The following SLC26A8 variants were observed in gnomAD, a reference collection of about 807,000 sequenced individuals.
SLC26A8 encodes the protein solute carrier family 26 member 8.
Under a neutral mutation model 105.0 loss-of-function variants are expected in SLC26A8, and 70 were observed. The observed-to-expected ratio is 0.67, with a 90% confidence interval of 0.55 to 0.81. SLC26A8 has a LOEUF of 0.81. Among genes scored for constraint, SLC26A8 ranks in the 40% least tolerant of loss-of-function variants. The probability of loss-of-function intolerance (pLI) is 0.00; values close to 1 mark genes in which losing one functional copy is unlikely to be tolerated. For missense variants in SLC26A8, 998 were observed against 1,181.8 expected, an observed-to-expected ratio of 0.84 and a Z score of 2.28; for synonymous variants, 415 against 438.3, an observed-to-expected ratio of 0.95 and a Z score of 0.66.
chr6:35,992,532 G>T lies in SLC26A8; in HGVS notation c.770C>A (p.Ala257Asp), dbSNP rs759953274. 1 of 1,613,482 alleles carries T rather than the reference G, an allele frequency of 6.2e-7. No individual in the cohort carries two copies. The highest frequency in any genetic ancestry group is 8.5e-7 in the Non-Finnish European group (1 of 1,179,806). ...CACATAGAAGAAGGAGATGGGACCG[G>T]CATGGAAACTAATCATAATCCCAAA... The part of the protein sequence containing the change: ...FIFGIMISFH[A>D]GPISFFYDII... Residue 257 changes from alanine (A) to aspartate (D), a missense_variant, in exon 6 of 20, where the codon GCC (alanine) becomes GAC (aspartate). Physicochemically the swap from Ala to Asp is moderately radical, Grantham distance 126. Coordinates refer to ENST00000490799, the MANE Select transcript of SLC26A8 (RefSeq NM_052961.4).
intron 19 of SLC26A8, 79 bp downstream of exon 19, chr6:35,951,084 G>T: frequency 2.3e-6 from 3 of 1,285,992 alleles, no homozygotes; most frequent in Non-Finnish European, 1.1e-6. Context: ...CTGACTCCCA[G>T]CCCCCAACCA....
intron 7 of SLC26A8, among the ~76,000 whole-genome samples, chr6:35,984,335 T>C (rs1253357223): frequency 6.8e-6 from 1 of 147,852 alleles, no homozygotes; most frequent in Non-Finnish European, 1.5e-5. Flanking sequence ...TTTTTTTTTT[T>C]TTTTGAGACA....
chr6:35,963,628 A>G (rs1772397175), intron 11 of SLC26A8, among the ~76,000 whole-genome samples: 1 of 152,226 alleles, frequency 6.6e-6, no homozygotes, highest in Non-Finnish European at 1.5e-5. Context: ...GCTAAAGGTT[A>G]TACTCATCTA....
intron 9 of SLC26A8, among the ~76,000 whole-genome samples, chr6:35,976,866 G>A (rs1441027456): frequency 1.3e-5 from 2 of 152,014 alleles, no homozygotes; most frequent in Non-Finnish European, 2.9e-5. Flanking sequence ...TTTATAAGAC[G>A]TTCTGCAGCA....
Position 35,975,322 on chromosome 6 carries a change from G to A in SLC26A8, c.1287+53C>T, listed in dbSNP as rs926367615. 4.1e-6 allele frequency: 4 copies of A among 985,526 alleles called. No homozygotes were observed. The African/African-American group carries it at 6.5e-5, about 16-fold the overall frequency. The allele number at this position is 985,526 out of a possible 1,614,324, so 61.0% of individuals were successfully genotyped here. On this transcript the variant is annotated intron_variant, in intron 10 of 19. Transcript: ENST00000490799. ...AATTCCCTACTCTGAATATACATATGAATTGATATGAATATGTTTATGTAT... is the reference window on the plus strand; with the variant it reads ...AATTCCCTACTCTGAATATACATATAAATTGATATGAATATGTTTATGTAT...
At chr6:36,000,625 C>A (rs1377134843) in intron 3 of SLC26A8, among the ~76,000 whole-genome samples, 1 of 152,162 alleles carries the variant, frequency 6.6e-6, no homozygotes, top group Non-Finnish European at 1.5e-5. Flanking sequence ...TTCTAAGAAG[C>A]ACCATGAGAA....
At chr6:35,959,945 G>T in intron 14 of SLC26A8, 139 bp from the exon 15 acceptor site, 1 of 680,960 alleles carries the variant, frequency 1.5e-6, no homozygotes. Flanking sequence ...GTCTCACTCT[G>T]TTGCCCAGGC....
In SLC26A8 at chr6:35,975,461, C is replaced by T. The variant is rs768267988; in HGVS notation, c.1201G>A (p.Val401Ile). ...CAAGATCTGAAAAATGAACTGACGA[C>T]ATTGCAAAGGCCGATGGCTATTAAA... ...QDLIAIGLCNVVSSFFRSCVF... is the reference protein window; with the variant it reads ...QDLIAIGLCNIVSSFFRSCVF... Residue 401 changes from valine to isoleucine, a missense_variant, in exon 10 of 20, where the codon GTC becomes ATC. Physicochemically the swap from Val to Ile is conservative, Grantham distance 29. Coordinates refer to ENST00000490799, the MANE Select transcript of SLC26A8 (RefSeq NM_052961.4). 3.7e-6 allele frequency: 6 copies of T among 1,613,042 alleles called. No homozygotes were observed. The African/African-American group carries it at 8.0e-5, about 22-fold the overall frequency.
At chr6:36,005,898 A>C (rs902333949) in intron 3 of SLC26A8, among the ~76,000 whole-genome samples, 14 of 152,312 alleles carry the variant, frequency 9.2e-5, no homozygotes, top group African/African-American at 3.4e-4. Context: ...TATAAATTGG[A>C]ATTCTACTGT....
At chr6:35,998,016 A>G (rs1276939353) in intron 4 of SLC26A8, 97 bp from the exon 5 acceptor site, 1 of 1,140,378 alleles carries the variant, frequency 8.8e-7, no homozygotes. Context: ...ATTGTCCTTC[A>G]ACTGAATAAC....
intron 1 of SLC26A8, 82 bp from the exon 2 acceptor site, chr6:36,019,791 C>T: frequency 1.5e-6 from 2 of 1,311,674 alleles, no homozygotes; most frequent in Non-Finnish European, 1.0e-6. Flanking sequence ...AATAAAATTC[C>T]TATATAATAA....
intron 11 of SLC26A8, among the ~76,000 whole-genome samples, chr6:35,965,802 CCCA>C (rs1772490138): frequency 6.6e-6 from 1 of 151,500 alleles, no homozygotes; most frequent in Admixed American, 6.6e-5. Context: ...ACCAGCCTGG[CCCA>C]CATGGCGAAA....
intron 3 of SLC26A8, among the ~76,000 whole-genome samples, chr6:36,006,557 G>T (rs562169180): frequency 6.6e-6 from 1 of 152,162 alleles, no homozygotes; most frequent in South Asian, 2.1e-4. Flanking sequence ...TTTAGCAATG[G>T]GATATCCTCC....
At chr6:36,010,362 A>T (rs983402941) in intron 3 of SLC26A8, among the ~76,000 whole-genome samples, 35 of 152,180 alleles carry the variant, frequency 2.3e-4, no homozygotes, top group African/African-American at 8.0e-4. Context: ...GATTCCATTT[A>T]TATGATGTGC....
chr6:35,995,319 C>T (rs1761320531), intron 5 of SLC26A8, among the ~76,000 whole-genome samples: 1 of 152,154 alleles, frequency 6.6e-6, no homozygotes, highest in Non-Finnish European at 1.5e-5. Context: ...CAGGGTTGGC[C>T]TGTGAGATGA....
chr6:35,998,971 T>G lies in SLC26A8; in HGVS notation c.445+1021A>C, dbSNP rs186272161. Among the ~76,000 whole-genome samples the G allele has an allele frequency of 5.1e-3, 774 of 152,292 alleles. 10 individuals carry two copies. Among genetic ancestry groups the G allele is most frequent in the South Asian group, 0.038 (182 of 4,828 alleles). On this transcript the variant is annotated intron_variant, in intron 4 of 19. Transcript: ENST00000490799. ...GTGCAATGGTGTGATCTTGGCTCACTGCAACCTCCACCTCCCGGGTTCAGG... is the reference window on the plus strand; with the variant it reads ...GTGCAATGGTGTGATCTTGGCTCACGGCAACCTCCACCTCCCGGGTTCAGG...
rs1581703803 is a variant in SLC26A8, at chr6:36,019,624, T to C, written c.84A>G (p.Glu28=). ...GTTGAAAGGTCTCCTCATTGTATAC[T>C]TCACGCTTAACATCATATGCGAATG... The part of the protein sequence containing the change: ...RNSFAYDVKR[E]VYNEETFQQE... The change falls in exon 2 of 20, where the codon GAA becomes GAG. Residue 28 remains glutamate (E), a synonymous_variant. Coordinates refer to ENST00000490799, the MANE Select transcript of SLC26A8 (RefSeq NM_052961.4). 4.3e-6 allele frequency: 7 copies of C among 1,614,188 alleles called. No homozygotes were observed. The highest frequency in any genetic ancestry group is 5.9e-6 in the Non-Finnish European group (7 of 1,180,038).
In SLC26A8 at chr6:35,955,759, T is replaced by C. The variant is rs116503278; in HGVS notation, c.1864-239A>G. 6.1e-3 allele frequency among the ~76,000 whole-genome samples: 931 copies of C among 152,290 alleles called. 11 individuals are homozygous for C. Among genetic ancestry groups the C allele is most frequent in the African/African-American group, 0.021 (871 of 41,558 alleles). On this transcript the variant is annotated intron_variant, in intron 16 of 19. Transcript: ENST00000490799. ...ACGACACCCCCCTCCCAACTTCTGA[T>C]GTTCATCACTGTCCCAGTGAGCCAG...
chr6:35,996,910 C>G (rs1761370858), intron 5 of SLC26A8, among the ~76,000 whole-genome samples: 1 of 151,996 alleles, frequency 6.6e-6, no homozygotes, highest in African/African-American at 2.4e-5. Context: ...TGGCATGCAC[C>G]TGTAATCCCA....
Sources: allele counts gnomAD v4.1 joint callset (sites outside exome capture counted in the v4.1 genomes callset), GRCh38; gene constraint gnomAD v4.1.1; transcripts MANE v1.5; gene names NCBI Gene and HGNC (gene_info 2026-07-23, HGNC 2026-07-21).